The following ZBTB32 variants were observed in gnomAD, a reference collection of about 807,000 sequenced individuals.
ZBTB32 encodes the protein zinc finger and BTB domain containing 32.
Under a neutral mutation model 45.3 loss-of-function variants are expected in ZBTB32, and 28 were observed. The ratio of observed to expected loss-of-function variants is 0.62; its 90% CI spans 0.46 to 0.85. ZBTB32 has a LOEUF of 0.85. ZBTB32 is among the 40% of genes least tolerant of loss of function. The pLI is 0.00. For missense variants in ZBTB32, 587 were observed against 624.4 expected (o/e 0.94, Z 0.64); for synonymous variants, 283 against 255.7 (o/e 1.11, Z -1.02).
chr19:35,712,872 C>G (rs981114652), intron 1 of ZBTB32, 45 bp from the exon 2 acceptor site: 2 of 152,136 alleles, frequency 1.3e-5, no homozygotes, highest in African/African-American at 4.8e-5. Context: ...GCTCCTCCAC[C>G]CTATTCTTGG....
intron 1 of ZBTB32, among the ~76,000 whole-genome samples, chr19:35,706,140 A>G (rs1220870648): frequency 6.6e-6 from 1 of 151,082 alleles, no homozygotes; most frequent in Non-Finnish European, 1.5e-5. Flanking sequence ...AGGCAGGAGA[A>G]TCGCTTGTAC....
intron 6 of ZBTB32, 69 bp downstream of exon 6, chr19:35,716,366 G>T (rs1968897793): frequency 6.3e-7 from 1 of 1,598,338 alleles, no homozygotes; most frequent in Non-Finnish European, 8.6e-7. Context: ...CTCCACCTGT[G>T]TGCCCGGTTC....
intron 2 of ZBTB32, 103 bp from the exon 3 acceptor site, chr19:35,714,420 G>T: frequency 2.1e-6 from 1 of 485,606 alleles, no homozygotes; most frequent in Non-Finnish European, 3.5e-6. Flanking sequence ...CTATGATTCT[G>T]GATAAGCTCC....
At position 35,715,951 on chromosome 19, in the gene ZBTB32, A is replaced by G; in HGVS notation, c.968A>G (p.Gln323Arg). Residue 323 changes from glutamine (Q) to arginine (R), a missense_variant, in exon 5 of 7, where the codon CAG becomes CGG. Physicochemically the swap from Gln to Arg is conservative, Grantham distance 43. Transcript: ENST00000392197. ...SSSPTPGSLP[Q>R]GPAQLSPGEM... ...CTGTTCCTTCCAGGTTCCCTCCCCC[A>G]GGGCCCCGCACAGCTCAGCCCTGGG... 6.2e-7 allele frequency: 1 copy of G among 1,612,418 alleles called. No individual in the cohort carries two copies. Among genetic ancestry groups the G allele is most frequent in the Non-Finnish European group, 8.5e-7 (1 of 1,179,466 alleles).
At chr19:35,712,142 T>C (rs2234360) in intron 1 of ZBTB32, among the ~76,000 whole-genome samples, 15,598 of 151,652 alleles carry the variant, frequency 0.1, 898 homozygotes, top group South Asian at 0.11. Flanking sequence ...TTACTGTGTA[T>C]CTAATATACG....
rs545933388 is a variant in ZBTB32, at chr19:35,707,846, G to A, written c.-222+3223G>A. On this transcript the variant is annotated intron_variant, in intron 1 of 6. Coordinates refer to ENST00000392197, the MANE Select transcript of ZBTB32 (RefSeq NM_014383.3). ...AAAATACAAAAATTAGCCGGGTGTC[G>A]TGGTGCGTGCCTGTAGTCCCAGCTA... is the stretch of plus-strand genomic sequence containing the variant. Among the ~76,000 whole-genome samples, 386 of 152,190 alleles carry A rather than the reference G, an allele frequency of 2.5e-3. 3 individuals are homozygous for A. Among genetic ancestry groups the A allele is most frequent in the African/African-American group, 8.1e-3 (336 of 41,548 alleles).
At chr19:35,710,833 T>C (rs1650962649) in intron 1 of ZBTB32, among the ~76,000 whole-genome samples, 1 of 152,222 alleles carries the variant, frequency 6.6e-6, no homozygotes, top group East Asian at 1.9e-4. Flanking sequence ...CTGTGCTCAG[T>C]GCAGGATGGC....
At chr19:35,708,762 G>A (rs1177313946) in intron 1 of ZBTB32, among the ~76,000 whole-genome samples, 1 of 152,046 alleles carries the variant, frequency 6.6e-6, no homozygotes, top group Non-Finnish European at 1.5e-5. Context: ...CTCTTTTCTG[G>A]AAGTCTTGGA....
intron 1 of ZBTB32, among the ~76,000 whole-genome samples, chr19:35,708,430 G>C (rs1011003531): frequency 2.0e-5 from 3 of 152,134 alleles, no homozygotes; most frequent in Admixed American, 6.6e-5. Flanking sequence ...ACAGCCAGAG[G>C]AGGTCCAAAT....
chr19:35,706,659 G>T (rs1405188997), intron 1 of ZBTB32, among the ~76,000 whole-genome samples: 1 of 152,080 alleles, frequency 6.6e-6, no homozygotes, highest in Non-Finnish European at 1.5e-5. Flanking sequence ...GGCAGAGGTT[G>T]CAGTGAGCCG....
chr19:35,710,844 T>G (rs1968670461), intron 1 of ZBTB32, among the ~76,000 whole-genome samples: 1 of 152,158 alleles, frequency 6.6e-6, no homozygotes, highest in African/African-American at 2.4e-5. Flanking sequence ...GCAGGATGGC[T>G]TGGGTTGCAC....
chr19:35,716,241 G>A lies in ZBTB32; in HGVS notation c.1133G>A (p.Cys378Tyr), dbSNP rs1484375147. The stretch of plus-strand genomic sequence containing the variant: ...TCTCGGCCCTATGCGTGCTCTGTCT[G>A]TGGAAAGAGGTTTTCACTCAAGCAT... Reference protein sequence around the residue: ...ARSRPYACSVCGKRFSLKHQM... With the variant: ...ARSRPYACSVYGKRFSLKHQM... Residue 378 changes from cysteine (C) to tyrosine (Y), a missense_variant, in exon 6 of 7, where the codon TGT (cysteine) becomes TAT (tyrosine). By Grantham distance (194) the Cys-to-Tyr change is radical. Coordinates refer to ENST00000392197, the MANE Select transcript of ZBTB32 (RefSeq NM_014383.3). The A allele has an allele frequency of 6.2e-7, 1 of 1,613,956 alleles. No homozygotes were observed. Among genetic ancestry groups the A allele is most frequent in the Non-Finnish European group, 8.5e-7 (1 of 1,179,984 alleles).
intron 1 of ZBTB32, among the ~76,000 whole-genome samples, chr19:35,710,308 T>C (rs189557499): frequency 4.6e-5 from 7 of 152,324 alleles, no homozygotes; most frequent in Admixed American, 4.6e-4. Context: ...ATGCCCTACC[T>C]AATCTCTCTA....
Position 35,716,923 on chromosome 19 carries a change from C to T in ZBTB32, c.*171C>T. On this transcript the variant is annotated 3_prime_UTR_variant, in exon 7 of 7. Coordinates refer to ENST00000392197, the MANE Select transcript of ZBTB32 (RefSeq NM_014383.3). ...TGGACGATCGCGGGTCGCAGAAGCC[C>T]AGGCCAGCGAGCCCTACAGAGTGAG... 4.2e-6 allele frequency: 3 copies of T among 720,148 alleles called. No individual in the cohort carries two copies. The highest frequency in any genetic ancestry group is 1.9e-5 in the South Asian group (1 of 53,652). The allele number at this position is 720,148 out of a possible 1,614,324, so 44.6% of individuals were successfully genotyped here.
chr19:35,716,083 G>A, intron 5 of ZBTB32, 50 bp from the exon 6 acceptor site: 5 of 1,611,796 alleles, frequency 3.1e-6, no homozygotes, highest in Non-Finnish European at 4.2e-6. Flanking sequence ...ACAGTGAGTT[G>A]GCGCTGGGAT....
Position 35,714,569 on chromosome 19 carries a change from C to T in ZBTB32, c.-58C>T, listed in dbSNP as rs1472368277. 2 of 1,470,376 alleles carry T rather than the reference C, an allele frequency of 1.4e-6. No homozygotes were observed. Among genetic ancestry groups the T allele is most frequent in the African/African-American group, 1.4e-5 (1 of 70,422 alleles). 91.1% of individuals were successfully genotyped at this position (1,470,376 alleles called of 1,614,324 possible). A position where few individuals can be genotyped will look rare whatever the true frequency, so the allele number is the denominator to read the frequency against. On this transcript the variant is annotated 5_prime_UTR_variant, in exon 3 of 7. Transcript: ENST00000392197. ...TCCTCCCTCCCCTTTCAACCATGGA[C>T]CTCACACTGTGGACTTCCTCTTAGA...
At chr19:35,710,285 TC>T (rs965796258) in intron 1 of ZBTB32, among the ~76,000 whole-genome samples, 2 of 152,046 alleles carry the variant, frequency 1.3e-5, no homozygotes, top group Admixed American at 6.6e-5. Context: ...TATCACATAC[TC>T]CCCTTCCAAT....
At position 35,715,301 on chromosome 19, in the gene ZBTB32, T is replaced by G. The variant is rs146855074; in HGVS notation, c.675T>G (p.Ser225Arg). 2.7e-5 allele frequency: 43 copies of G among 1,584,098 alleles called. No individual in the cohort carries two copies. In the South Asian group the frequency reaches 4.6e-4, roughly 17 times the overall value. ...AAAATCCAGGGGGCTCTGAGGAAAG[T>G]CTGCGCAAGCTCCCTGGCCCCCTTC... ...LRENPGGSEE[S>R]LRKLPGPLPP... is the part of the protein sequence containing the mutation. Residue 225 changes from serine to arginine, a missense_variant, in exon 3 of 7, where the codon AGT becomes AGG. By Grantham distance (110) the Ser-to-Arg change is moderately radical. Transcript: ENST00000392197.
At chr19:35,705,333 A>T (rs1968512660) in intron 1 of ZBTB32, among the ~76,000 whole-genome samples, 1 of 152,054 alleles carries the variant, frequency 6.6e-6, no homozygotes, top group Non-Finnish European at 1.5e-5. Flanking sequence ...AAAAAATGAA[A>T]AGAAAAAAAA....
Sources: allele counts gnomAD v4.1 joint callset (sites outside exome capture counted in the v4.1 genomes callset), GRCh38; gene constraint gnomAD v4.1.1; transcripts MANE v1.5; gene names NCBI Gene and HGNC (gene_info 2026-07-23, HGNC 2026-07-21).